The following DNTT variants were observed in gnomAD, a reference collection of about 807,000 sequenced individuals.
DNTT encodes the protein nucleosidetriphosphate:DNA deoxynucleotidylexotransferase.
A neutral mutation model predicts 60.9 loss-of-function variants in DNTT; 47 were observed. The observed-to-expected ratio is 0.77, with a 90% CI of 0.61 to 0.98. The LOEUF (loss-of-function observed/expected upper bound fraction) is 0.98. Among genes scored for constraint, DNTT ranks in the 50% least tolerant of loss-of-function variants. DNTT has a pLI of 0.00. For missense variants in DNTT, 665 were observed against 627.5 expected (o/e 1.06, Z -0.64); for synonymous variants, 224 against 221.2 (o/e 1.01, Z -0.11).
At chr10:96,318,591 C>A in intron 2 of DNTT, 65 bp downstream of exon 2, 2 of 1,555,280 alleles carry the variant, frequency 1.3e-6, no homozygotes, top group South Asian at 1.2e-5. Flanking sequence ...GGCTTAGGAT[C>A]AACGGAGCTG....
chr10:96,315,956 C>T (rs1844780527), intron 1 of DNTT, among the ~76,000 whole-genome samples: 1 of 152,078 alleles, frequency 6.6e-6, no homozygotes, highest in South Asian at 2.1e-4. Context: ...TGTTGCTTTG[C>T]CATGACTTAT....
In DNTT at chr10:96,320,625, T is replaced by C. The variant is rs748048993; in HGVS notation, c.515T>C (p.Phe172Ser). 1 of 1,613,600 alleles carries C rather than the reference T, an allele frequency of 6.2e-7. No homozygotes were observed. Among genetic ancestry groups the C allele is most frequent in the Non-Finnish European group, 8.5e-7 (1 of 1,179,678 alleles). ...TCTGGTTTTATCCTGCAGGATGCCT[T>C]TGATATACTGGCTGAAAACTGTGAG... ...NNCNQIFTDA[F>S]DILAENCEFR... is the part of the protein sequence containing the mutation. Residue 172 changes from phenylalanine to serine, a missense_variant, in exon 4 of 11, where the codon TTT (phenylalanine) becomes TCT (serine). Transcript: ENST00000371174.
rs180950176 is a variant in DNTT, at chr10:96,326,499, G to A, written c.875-969G>A. Among the ~76,000 whole-genome samples, 62 of 152,230 alleles carry A rather than the reference G, an allele frequency of 4.1e-4. 1 individual carries two copies. The highest frequency in any genetic ancestry group is 1.4e-3 in the African/African-American group (58 of 41,564). Reference sequence around the variant, plus strand: ...GAGATAACATGGGAAATTTGGCAGGGTGTGCAAGCCAAATGGCCACCCTGC... The same window carrying A: ...GAGATAACATGGGAAATTTGGCAGGATGTGCAAGCCAAATGGCCACCCTGC... On this transcript the variant is annotated intron_variant, in intron 6 of 10. Coordinates refer to ENST00000371174, the MANE Select transcript of DNTT (RefSeq NM_004088.4).
At chr10:96,336,412 T>C (rs1416914921) in intron 10 of DNTT, among the ~76,000 whole-genome samples, 3 of 152,182 alleles carry the variant, frequency 2.0e-5, no homozygotes, top group Non-Finnish European at 2.9e-5. Flanking sequence ...GCAACAGAGC[T>C]GCCCTGAGAC....
chr10:96,335,951 C>T lies in DNTT; in HGVS notation c.1420C>T (p.His474Tyr). 6.2e-7 allele frequency: 1 copy of T among 1,614,192 alleles called. No individual in the cohort carries two copies. ...TGAGCGGAAGATGATTCTGGATAAC[C>T]ATGCTTTATATGACAAGACCAAGGT... ...THERKMILDN[H>Y]ALYDKTKRIF... Residue 474 changes from histidine to tyrosine, a missense_variant, in exon 10 of 11, where the codon CAT becomes TAT. By Grantham distance (83) the His-to-Tyr change is moderately conservative (BLOSUM62 2). Transcript: ENST00000371174.
chr10:96,321,350 C>T (rs1246746147), intron 4 of DNTT, among the ~76,000 whole-genome samples: 2 of 152,116 alleles, frequency 1.3e-5, no homozygotes, highest in Non-Finnish European at 2.9e-5. Context: ...TCACTTTTCC[C>T]ATGATTCTTC....
chr10:96,324,463 C>G, intron 6 of DNTT, 74 bp downstream of exon 6: 1 of 1,585,970 alleles, frequency 6.3e-7, no homozygotes, highest in Non-Finnish European at 8.6e-7. Context: ...GTCAGTTACA[C>G]TGCAACTCCA....
chr10:96,311,579 C>T (rs1290931579), intron 1 of DNTT, among the ~76,000 whole-genome samples: 6 of 152,282 alleles, frequency 3.9e-5, no homozygotes, highest in South Asian at 2.1e-4. Context: ...GCCACAGTCA[C>T]GATTCTTGTA....
chr10:96,316,298 T>C (rs750855039), intron 1 of DNTT, among the ~76,000 whole-genome samples: 1 of 152,238 alleles, frequency 6.6e-6, no homozygotes, highest in South Asian at 2.1e-4. Context: ...TCCTCTGCTT[T>C]TCTGTGCCAG....
chr10:96,335,074 A>G (rs887416906), intron 9 of DNTT, among the ~76,000 whole-genome samples: 1 of 152,174 alleles, frequency 6.6e-6, no homozygotes, highest in Admixed American at 6.5e-5. Flanking sequence ...CTAAAATAGC[A>G]AATTGTTCCT....
At chr10:96,313,746 T>C (rs911835319) in intron 1 of DNTT, among the ~76,000 whole-genome samples, 5 of 152,240 alleles carry the variant, frequency 3.3e-5, no homozygotes, top group Non-Finnish European at 7.3e-5. Flanking sequence ...GGTTACTTAA[T>C]AGTGCCTTGA....
At chr10:96,305,634 A>G (rs950591884) in intron 1 of DNTT, among the ~76,000 whole-genome samples, 1 of 152,234 alleles carries the variant, frequency 6.6e-6, no homozygotes, top group East Asian at 1.9e-4. Flanking sequence ...AGGCAAAACT[A>G]TAAAAATTTT....
chr10:96,315,697 G>C (rs1315119281), intron 1 of DNTT, among the ~76,000 whole-genome samples: 1 of 151,386 alleles, frequency 6.6e-6, no homozygotes, highest in Non-Finnish European at 1.5e-5. Context: ...CTCCCTCTCA[G>C]GGTTAGGTAA....
Position 96,334,817 on chromosome 10 carries a change from T to C in DNTT, c.1360-1074T>C, listed in dbSNP as rs141838684. 1.1e-4 allele frequency among the ~76,000 whole-genome samples: 16 copies of C among 152,348 alleles called. No individual in the cohort carries two copies. In the East Asian group the frequency reaches 3.1e-3, roughly 29 times the overall value. The stretch of plus-strand genomic sequence containing the variant: ...CGTTCCAGAAAGAAGTCCTTGGTTA[T>C]GCAATGTCATGCCAGTTAAGCATCA... On this transcript the variant is annotated intron_variant, in intron 9 of 10. Coordinates refer to ENST00000371174, the MANE Select transcript of DNTT (RefSeq NM_004088.4).
At chr10:96,333,460 G>A (rs1004920418) in intron 9 of DNTT, among the ~76,000 whole-genome samples, 8 of 152,296 alleles carry the variant, frequency 5.3e-5, no homozygotes, top group Admixed American at 5.2e-4. Flanking sequence ...TCTTACTTCT[G>A]GGTATATAGC....
At chr10:96,334,326 C>T (rs1023998477) in intron 9 of DNTT, among the ~76,000 whole-genome samples, 1 of 152,142 alleles carries the variant, frequency 6.6e-6, no homozygotes, top group East Asian at 1.9e-4. Flanking sequence ...ACATGATGTT[C>T]TCAAAGCCTC....
Position 96,304,630 on chromosome 10 carries a change from G to C in DNTT, c.133G>C (p.Gly45Arg). 6.2e-7 allele frequency: 1 copy of C among 1,614,122 alleles called. No individual in the cohort carries two copies. Among genetic ancestry groups the C allele is most frequent in the South Asian group, 1.1e-5 (1 of 91,086 alleles). Residue 45 changes from glycine (G) to arginine (R), a missense_variant, in exon 1 of 11, where the codon GGA (glycine) becomes CGA (arginine). By Grantham distance (125) the Gly-to-Arg change is moderately radical. Coordinates refer to ENST00000371174, the MANE Select transcript of DNTT (RefSeq NM_004088.4). ...CGTCTTCATTTTGGAGAAGAAAATG[G>C]GAACCACCCGCAGAGCGTTCCTCAT... Reference protein sequence around the residue: ...LVVFILEKKMGTTRRAFLMEL... With the variant: ...LVVFILEKKMRTTRRAFLMEL...
Position 96,327,542 on chromosome 10 carries a change from G to C in DNTT, c.949G>C (p.Glu317Gln), listed in dbSNP as rs1462130759. Residue 317 changes from glutamate to glutamine, a missense_variant, in exon 7 of 11, where the codon GAG becomes CAG. By Grantham distance (29) the Glu-to-Gln change is conservative (BLOSUM62 2). Coordinates refer to ENST00000371174, the MANE Select transcript of DNTT (RefSeq NM_004088.4). ...AGAGGCCGTCAGTGTGCTGGTTAAA[G>C]AGGCTGTCTGGGCATTTCTTCCGGA... ...EAEAVSVLVK[E>Q]AVWAFLPDAF... 1 of 1,614,098 alleles carries C rather than the reference G, an allele frequency of 6.2e-7. No individual in the cohort carries two copies. The highest frequency in any genetic ancestry group is 8.5e-7 in the Non-Finnish European group (1 of 1,179,964).
At position 96,320,879 on chromosome 10, in the gene DNTT, A is replaced by G. The variant is rs976635309; in HGVS notation, c.678+91A>G. ...TAGCTAACAGATTTTCCTGTCAACT[A>G]TGTAGATGTGGTGTACATCACAAAT... is the stretch of plus-strand genomic sequence containing the variant. On this transcript the variant is annotated intron_variant, in intron 4 of 10. Transcript: ENST00000371174. 2.3e-5 allele frequency: 35 copies of G among 1,495,730 alleles called. No individual in the cohort carries two copies. In the Admixed American group the frequency reaches 3.7e-4, roughly 16 times the overall value. 92.7% of individuals were successfully genotyped at this position (1,495,730 alleles called of 1,614,324 possible).
Sources: gnomAD v4.1 joint callset for allele counts (sites outside exome capture counted in the v4.1 genomes callset) on GRCh38, gnomAD v4.1.1 for gene constraint, MANE v1.5 for transcripts, NCBI Gene and HGNC (gene_info 2026-07-23, HGNC 2026-07-21) for gene names.